The following MYOCD variants were observed in gnomAD, a reference collection of about 807,000 sequenced individuals.
MYOCD encodes the protein myocardin.
A neutral mutation model predicts 96.1 loss-of-function variants in MYOCD; 32 were observed. The observed-to-expected ratio is 0.33, with a 90% CI of 0.25 to 0.45. The LOEUF (loss-of-function observed/expected upper bound fraction) is 0.45. Among genes scored for constraint, MYOCD ranks in the 20% least tolerant of loss-of-function variants. The probability of loss-of-function intolerance (pLI) is 1.00; values close to 1 mark genes in which losing one functional copy is unlikely to be tolerated. For missense variants in MYOCD, 1,133 were observed against 1,200.6 expected (o/e 0.94, Z 0.83); for synonymous variants, 469 against 469.0 (o/e 1.00, Z 0.00).
At position 12,666,202 on chromosome 17, in the gene MYOCD, G is replaced by A. The variant is rs1909367493; in HGVS notation, c.14G>A (p.Gly5Glu). ...CTGAGACTCAACATGACACTCCTGG[G>A]GTCTGAGCATTCCTTGCTGATTAGG... MTLL[G>E]SEHSLLIRSK... Residue 5 changes from glycine to glutamate, a missense_variant, in exon 1 of 14, where the codon GGG becomes GAG. Transcript: ENST00000425538. 1.9e-6 allele frequency: 3 copies of A among 1,613,818 alleles called. No homozygotes were observed. Among genetic ancestry groups the A allele is most frequent in the South Asian group, 2.2e-5 (2 of 91,050 alleles).
intron 5 of MYOCD, among the ~76,000 whole-genome samples, chr17:12,724,131 C>G (rs551333687): frequency 2.0e-5 from 3 of 152,288 alleles, no homozygotes; most frequent in African/African-American, 7.2e-5. Context: ...CAAGAGTGCA[C>G]TGCCACCATG....
intron 1 of MYOCD, among the ~76,000 whole-genome samples, chr17:12,674,481 GA>G (rs773002484): frequency 2.1e-4 from 32 of 151,144 alleles, no homozygotes; most frequent in African/African-American, 7.0e-4. Flanking sequence ...GTTTATTTGA[GA>G]AAAAAAAATT....
intron 1 of MYOCD, among the ~76,000 whole-genome samples, chr17:12,666,952 G>A (rs2150622406): frequency 6.6e-6 from 1 of 152,316 alleles, no homozygotes; most frequent in Non-Finnish European, 1.5e-5. Flanking sequence ...CGCGCCCATG[G>A]AAGGTGTCTG....
At chr17:12,727,980 A>C (rs2032049401) in intron 5 of MYOCD, among the ~76,000 whole-genome samples, 1 of 152,220 alleles carries the variant, frequency 6.6e-6, no homozygotes. Context: ...TCTGTAGGGT[A>C]ATAGGGGACT....
At chr17:12,691,169 A>G (rs970789646) in intron 1 of MYOCD, among the ~76,000 whole-genome samples, 1 of 152,124 alleles carries the variant, frequency 6.6e-6, no homozygotes, top group Non-Finnish European at 1.5e-5. Flanking sequence ...GAAAAGATCC[A>G]TTTCTACTCT....
intron 5 of MYOCD, among the ~76,000 whole-genome samples, chr17:12,731,210 CAGG>C (rs1225159412): frequency 6.6e-6 from 1 of 152,216 alleles, no homozygotes; most frequent in Non-Finnish European, 1.5e-5. Flanking sequence ...ACCACGGAGC[CAGG>C]AGACTTGGTC....
intron 1 of MYOCD, among the ~76,000 whole-genome samples, chr17:12,679,218 T>A (rs1910297556): frequency 6.6e-6 from 1 of 152,166 alleles, no homozygotes; most frequent in African/African-American, 2.4e-5. Flanking sequence ...AATTTAATTT[T>A]TTATTTTAAC....
At chr17:12,753,467 A>G in intron 10 of MYOCD, 121 bp downstream of exon 10, 1 of 864,680 alleles carries the variant, frequency 1.2e-6, no homozygotes, top group Non-Finnish European at 1.7e-6. Flanking sequence ...AAAGCATAGC[A>G]GAATCTCCCA....
chr17:12,695,198 G>T (rs1162396462), intron 1 of MYOCD, among the ~76,000 whole-genome samples: 3 of 152,168 alleles, frequency 2.0e-5, no homozygotes, highest in Non-Finnish European at 4.4e-5. Context: ...CGTTCCAGAG[G>T]CTGGAAAGTT....
In MYOCD at chr17:12,763,401, A is replaced by C. The variant is rs969994419; in HGVS notation, c.2718A>C (p.Pro906=). 7 of 1,605,484 alleles carry C rather than the reference A, an allele frequency of 4.4e-6. No homozygotes were observed. The African/African-American group carries it at 8.0e-5, about 18-fold the overall frequency. The change falls in exon 14 of 14, where the codon CCA becomes CCC. Residue 906 remains proline (P), a synonymous_variant. Coordinates refer to ENST00000425538, the MANE Select transcript of MYOCD (RefSeq NM_001146312.3). ...TCTTCAATGCACATGAGATCTTGCC[A>C]GGCCCCCTCTCTCCAATGCAGACAC... ...EDLFNAHEIL[P]GPLSPMQTQF... is the part of the protein sequence containing the mutation.
chr17:12,707,434 G>A (rs574420726), intron 2 of MYOCD, among the ~76,000 whole-genome samples: 29 of 151,800 alleles, frequency 1.9e-4, no homozygotes, highest in Non-Finnish European at 3.1e-4. Context: ...GGCTGGGCAC[G>A]GTGACTCAAG....
chr17:12,712,770 T>A (rs1421177595), intron 2 of MYOCD, among the ~76,000 whole-genome samples: 1 of 151,938 alleles, frequency 6.6e-6, no homozygotes, highest in Non-Finnish European at 1.5e-5. Flanking sequence ...CAACAGTATT[T>A]TAATTCAAAA....
rs562838871 is a variant in MYOCD, at chr17:12,756,476, G to T, written c.2121G>T (p.Pro707=). The T allele has an allele frequency of 7.7e-6, 12 of 1,551,766 alleles. No homozygotes were observed. In the East Asian group the frequency reaches 2.4e-4, roughly 32 times the overall value. The part of the protein sequence containing the change: ...SFSPHSSSLH[P]PFSGAQADSS... ...CTCCCCATTCTTCCAGCCTCCACCC[G>T]CCCTTCTCTGGAGCCCAAGCAGACA... Residue 707 remains proline, a synonymous_variant, in exon 11 of 14, where the codon CCG becomes CCT. Transcript: ENST00000425538.
At position 12,763,779 on chromosome 17, in the gene MYOCD, G is replaced by C. The variant is rs915492680; in HGVS notation, c.*135G>C. On this transcript the variant is annotated 3_prime_UTR_variant, in exon 14 of 14. Coordinates refer to ENST00000425538, the MANE Select transcript of MYOCD (RefSeq NM_001146312.3). ...AAGAAGCAATGATTTCTGTGCCAAT[G>C]AACAAGAACAAAAGTCATTTTTAGA... is the stretch of plus-strand genomic sequence containing the variant. The C allele has an allele frequency of 2.5e-6, 2 of 794,826 alleles. No homozygotes were observed. Among genetic ancestry groups the C allele is most frequent in the Non-Finnish European group, 3.8e-6 (2 of 527,194 alleles). 49.2% of individuals were successfully genotyped at this position (794,826 alleles called of 1,614,324 possible). A position where few individuals can be genotyped will look rare whatever the true frequency, so the allele number is the denominator to read the frequency against.
At chr17:12,760,435 G>A (rs1446501157) in intron 12 of MYOCD, 5 of 511,234 alleles carry the variant, frequency 9.8e-6, no homozygotes, top group African/African-American at 1.9e-5. Flanking sequence ...TGGTGGTGAT[G>A]GTCACACAAT....
intron 1 of MYOCD, among the ~76,000 whole-genome samples, chr17:12,685,859 G>C (rs1050688265): frequency 2.0e-5 from 3 of 152,170 alleles, no homozygotes; most frequent in Admixed American, 2.0e-4. Flanking sequence ...CAAATAGCAA[G>C]GAATTGTTCA....
At chr17:12,690,806 C>G (rs192212943) in intron 1 of MYOCD, among the ~76,000 whole-genome samples, 2 of 152,260 alleles carry the variant, frequency 1.3e-5, no homozygotes. Context: ...AAATCCTGAT[C>G]AAATCTAATG....
intron 1 of MYOCD, among the ~76,000 whole-genome samples, chr17:12,671,265 T>A (rs1909695550): frequency 6.6e-6 from 1 of 152,210 alleles, no homozygotes; most frequent in South Asian, 2.1e-4. Context: ...TAAATAGGTT[T>A]TATTCTTCCT....
At chr17:12,701,662 T>C (rs1435325961) in intron 1 of MYOCD, among the ~76,000 whole-genome samples, 2 of 152,176 alleles carry the variant, frequency 1.3e-5, no homozygotes, top group African/African-American at 4.8e-5. Flanking sequence ...AATATAAGTA[T>C]TTAAAACTCT....
Sources: allele counts gnomAD v4.1 joint callset (sites outside exome capture counted in the v4.1 genomes callset), GRCh38; gene constraint gnomAD v4.1.1; transcripts MANE v1.5; gene names NCBI Gene and HGNC (gene_info 2026-07-23, HGNC 2026-07-21).